RAB1B: variants seen among roughly 807,000 people sequenced by gnomAD.
RAB1B encodes the protein RAB1B, member RAS oncogene family, also known as ras-related protein Rab-1B.
Under a neutral mutation model 24.8 loss-of-function variants are expected in RAB1B, and 10 were observed. That is an observed-to-expected ratio of 0.40 (90% CI 0.25 to 0.68). The LOEUF (loss-of-function observed/expected upper bound fraction) is 0.68, where lower values mean the gene tolerates loss of function less well. Among genes scored for constraint, RAB1B ranks in the 30% least tolerant of loss-of-function variants. RAB1B has a pLI of 0.37. For synonymous variants in RAB1B, 99 were observed against 111.7 expected (o/e 0.89, Z 0.72); for missense variants, 154 against 271.2 (o/e 0.57, Z 3.04).
intron 4 of RAB1B, among the ~76,000 whole-genome samples, chr11:66,273,586 C>T (rs1857095935): frequency 6.6e-6 from 1 of 152,210 alleles, no homozygotes; most frequent in East Asian, 1.9e-4. Flanking sequence ...GCCCTGGACT[C>T]TCCTCCTTAC....
Position 66,277,078 on chromosome 11 carries a change from C to T in RAB1B, c.*840C>T, listed in dbSNP as rs371962546. 11 of 153,000 alleles carry T rather than the reference C, an allele frequency of 7.2e-5. No individual in the cohort carries two copies. Among genetic ancestry groups the T allele is most frequent in the East Asian group, 3.8e-4 (2 of 5,200 alleles). 9.5% of individuals were successfully genotyped at this position (153,000 alleles called of 1,614,324 possible). A position where few individuals can be genotyped will look rare whatever the true frequency, so the allele number is the denominator to read the frequency against. ...CCCAAGGTAGCACATCTGGCTCACT[C>T]CCCACTCCGTCTCTGGAGCCCACCA... On this transcript the variant is annotated 3_prime_UTR_variant, in exon 6 of 6. Coordinates refer to ENST00000311481, the MANE Select transcript of RAB1B (RefSeq NM_030981.3).
At chr11:66,275,126 G>A (rs1455980507) in intron 4 of RAB1B, among the ~76,000 whole-genome samples, 1 of 152,220 alleles carries the variant, frequency 6.6e-6, no homozygotes, top group Non-Finnish European at 1.5e-5. Context: ...AACATGGCAA[G>A]AGGTCTAAGT....
At chr11:66,273,823 C>G (rs1009273108) in intron 4 of RAB1B, among the ~76,000 whole-genome samples, 1 of 152,156 alleles carries the variant, frequency 6.6e-6, no homozygotes, top group African/African-American at 2.4e-5. Context: ...TAACTTGCCA[C>G]CGGTCTCACG....
chr11:66,276,983 CG>C lies in RAB1B; in HGVS notation c.*747del, dbSNP rs1037783415. 1 of 152,862 alleles carries C rather than the reference CG, an allele frequency of 6.5e-6. No individual in the cohort carries two copies. The highest frequency in any genetic ancestry group is 1.5e-5 in the Non-Finnish European group (1 of 68,260). 9.5% of individuals were successfully genotyped at this position (152,862 alleles called of 1,614,324 possible). A position where few individuals can be genotyped will look rare whatever the true frequency, so the allele number is the denominator to read the frequency against. Reference sequence around the variant, plus strand: ...CCTTTGTCCCCATGTCAGGCGGAGGCGGAAGGCCCACCGTGCCAGAGGCTGG... The same window carrying C: ...CCTTTGTCCCCATGTCAGGCGGAGGCGAAGGCCCACCGTGCCAGAGGCTGG... On this transcript the variant is annotated 3_prime_UTR_variant, in exon 6 of 6. Coordinates refer to ENST00000311481, the MANE Select transcript of RAB1B (RefSeq NM_030981.3).
Position 66,271,889 on chromosome 11 carries a change from T to C in RAB1B, c.87+20T>C. The C allele has an allele frequency of 6.2e-7, 1 of 1,603,432 alleles. No individual in the cohort carries two copies. The highest frequency in any genetic ancestry group is 8.5e-7 in the Non-Finnish European group (1 of 1,170,336). On this transcript the variant is annotated intron_variant, in intron 2 of 5. Coordinates refer to ENST00000311481, the MANE Select transcript of RAB1B (RefSeq NM_030981.3). The stretch of plus-strand genomic sequence containing the variant: ...TTTGCTGTGAGTAAGAAGCCTCCCA[T>C]ACCATCCACCTGGGGTCCTGACTGG...
chr11:66,268,957 T>C (rs1477635903), intron 1 of RAB1B, among the ~76,000 whole-genome samples: 2 of 151,712 alleles, frequency 1.3e-5, no homozygotes, highest in African/African-American at 2.4e-5. Context: ...ACATCGGTCC[T>C]ACCAGGCCTT....
At chr11:66,271,970 A>G (rs1437286437) in intron 2 of RAB1B, 101 bp downstream of exon 2, 3 of 1,087,110 alleles carry the variant, frequency 2.8e-6, no homozygotes, top group Non-Finnish European at 4.3e-6. Context: ...TCTGGGAACC[A>G]GGGGTGAAGC....
intron 4 of RAB1B, among the ~76,000 whole-genome samples, chr11:66,275,558 T>A (rs527604938): frequency 6.6e-6 from 1 of 151,658 alleles, no homozygotes; most frequent in South Asian, 2.1e-4. Flanking sequence ...CAGGCCCAAG[T>A]TGGGGCAGCT....
intron 1 of RAB1B, 132 bp downstream of exon 1, chr11:66,268,825 C>CCT: frequency 1.1e-6 from 1 of 941,380 alleles, no homozygotes. Context: ...TCCGCTGACC[C>CCT]CCCCCCACAT....
In RAB1B at chr11:66,272,378, G is replaced by A; in HGVS notation, c.197G>A (p.Gly66Asp). ...TIKLQIWDTA[G>D]QERFRTITSS... is the part of the protein sequence containing the mutation. ...ACTGTCTCCTAGTGGGACACAGCGG[G>A]CCAGGAACGGTTCCGGACCATCACT... The change falls in exon 4 of 6, where the codon GGC becomes GAC. Residue 66 changes from glycine (G) to aspartate (D), a missense_variant. By Grantham distance (94) the Gly-to-Asp change is moderately conservative (BLOSUM62 -1). This residue lies in a region of RAB1B where 77 missense variants were observed against 173.4 expected (regional missense o/e 0.44). Transcript: ENST00000311481. 1 of 1,611,700 alleles carries A rather than the reference G, an allele frequency of 6.2e-7. No homozygotes were observed. Among genetic ancestry groups the A allele is most frequent in the Non-Finnish European group, 8.5e-7 (1 of 1,178,372 alleles).
chr11:66,273,465 C>CCATCCCCCGCT (rs1368014770), intron 4 of RAB1B, among the ~76,000 whole-genome samples: 2 of 152,210 alleles, frequency 1.3e-5, no homozygotes, highest in African/African-American at 4.8e-5. Flanking sequence ...GAAAAGTGGA[C>CCATCCCCCGCT]CATCCCCCGC....
rs1259430186 is a variant in RAB1B, at chr11:66,268,895, G to A, written c.14+202G>A. Among the ~76,000 whole-genome samples the A allele has an allele frequency of 9.6e-5, 10 of 104,710 alleles. No homozygotes were observed. In the East Asian group the frequency reaches 1.4e-3, roughly 15 times the overall value. The allele number at this position is 104,710 out of a possible 152,430, so 68.7% of individuals were successfully genotyped here. A position where few individuals can be genotyped will look rare whatever the true frequency, so the allele number is the denominator to read the frequency against. On this transcript the variant is annotated intron_variant, in intron 1 of 5. Transcript: ENST00000311481. ...CCCCGGCTCAAAACCCCGAGCCCTC[G>A]CACCCGGGGCCCAGACGTGGCGACC...
At chr11:66,271,676 A>C (rs1229014091) in intron 1 of RAB1B, 121 bp from the exon 2 acceptor site, 1 of 705,538 alleles carries the variant, frequency 1.4e-6, no homozygotes, top group Non-Finnish European at 2.5e-6. Flanking sequence ...ATTGCTAAAA[A>C]AAAAATAAAA....
At chr11:66,274,336 A>C (rs1151540) in intron 4 of RAB1B, among the ~76,000 whole-genome samples, 61,546 of 152,088 alleles carry the variant, frequency 0.4, 13,419 homozygotes, top group Non-Finnish European at 0.48. Context: ...GCCTGTGTTC[A>C]TTCTCTTCAT....
At chr11:66,268,714 C>T (rs1388425378) in intron 1 of RAB1B, 21 bp downstream of exon 1, 2 of 1,560,400 alleles carry the variant, frequency 1.3e-6, no homozygotes, top group Non-Finnish European at 1.7e-6. Flanking sequence ...CCCGCCCGCG[C>T]CGTCCAGCGC....
chr11:66,269,685 G>A (rs1048442906), intron 1 of RAB1B: 7 of 152,298 alleles, frequency 4.6e-5, no homozygotes, highest in African/African-American at 1.4e-4. Context: ...GTCTTAAAGC[G>A]ATAAACTGTG....
At chr11:66,272,534 A>C in intron 4 of RAB1B, 74 bp downstream of exon 4, 1 of 976,372 alleles carries the variant, frequency 1.0e-6, no homozygotes, top group Non-Finnish European at 1.5e-6. Context: ...TCCTCCTTCC[A>C]TCCTCTCTTT....
intron 2 of RAB1B, 47 bp downstream of exon 2, chr11:66,271,916 A>G: frequency 6.8e-7 from 1 of 1,473,502 alleles, no homozygotes; most frequent in Non-Finnish European, 9.5e-7. Context: ...CCTGACTGGC[A>G]GCTGGGGGGA....
chr11:66,274,466 A>C (rs1413072038), intron 4 of RAB1B, among the ~76,000 whole-genome samples: 1 of 152,180 alleles, frequency 6.6e-6, no homozygotes, highest in Non-Finnish European at 1.5e-5. Flanking sequence ...CTTCAGCAGC[A>C]GTGGTCTGAC....
Sources: gnomAD v4.1 joint callset for allele counts (sites outside exome capture counted in the v4.1 genomes callset) on GRCh38, gnomAD v4.1.1 for gene constraint, gnomAD v4.1.1 regional missense constraint, MANE v1.5 for transcripts, NCBI Gene and HGNC (gene_info 2026-07-23, HGNC 2026-07-21) for gene names.